The following RADIL variants were observed in gnomAD, a reference collection of about 807,000 sequenced individuals.
RADIL encodes ras-associating and dilute domain-containing protein.
RADIL carries 99 observed loss-of-function variants against 97.6 expected under a neutral mutation model. The observed-to-expected ratio is 1.01, with a 90% CI of 0.86 to 1.20. RADIL has a LOEUF of 1.20. Among genes scored for constraint, RADIL ranks in the 50% most tolerant of loss-of-function variants. The pLI, the probability that RADIL is intolerant of heterozygous loss-of-function variation, is 0.00. For synonymous variants in RADIL, 803 were observed against 691.8 expected, an observed-to-expected ratio of 1.16 and a Z score of -2.52; for missense variants, 1,765 against 1,498.9, an observed-to-expected ratio of 1.18 and a Z score of -2.93.
rs1433052385 is a variant in RADIL, at chr7:4,854,376, G to A, written c.536-17771C>T. On this transcript the variant is annotated intron_variant, in intron 2 of 14. Coordinates refer to ENST00000399583, the MANE Select transcript of RADIL (RefSeq NM_018059.5). This position sits in a 1 kb window ranked among gnomAD's most constrained non-coding sequence, Gnocchi z 5.1. ...TTGTTTCTGGGGAGGGTGGTGTTTG[G>A]TTTTTGTCATTGTTGATAAAGAGGT... Among the ~76,000 whole-genome samples, 2 of 152,174 alleles carry A rather than the reference G, an allele frequency of 1.3e-5. No individual in the cohort carries two copies. The highest frequency in any genetic ancestry group is 2.9e-5 in the Non-Finnish European group (2 of 68,030).
At chr7:4,875,721 C>T (rs1053331984) in intron 2 of RADIL, among the ~76,000 whole-genome samples, 1 of 152,196 alleles carries the variant, frequency 6.6e-6, no homozygotes, top group Non-Finnish European at 1.5e-5. Context: ...CCTTTGTTCC[C>T]GTGCAGAAAA....
rs1049102543 is a variant in RADIL at position 4,861,902 on chromosome 7, G to C, written c.535+15703C>G. Reference sequence around the variant, plus strand: ...CATGATCCGCTGAGGCGGAAGGGCAGGGCTTCTAGCTGCCCTGGTCCGACC... The same window carrying C: ...CATGATCCGCTGAGGCGGAAGGGCACGGCTTCTAGCTGCCCTGGTCCGACC... On this transcript the variant is annotated intron_variant, in intron 2 of 14. Transcript: ENST00000399583. The C allele has an allele frequency of 6.1e-5, 46 of 755,918 alleles. No homozygotes were observed. The East Asian group carries it at 1.4e-3, about 22-fold the overall frequency. 46.8% of individuals were successfully genotyped at this position (755,918 alleles called of 1,614,324 possible). A position where few individuals can be genotyped will look rare whatever the true frequency, so the allele number is the denominator to read the frequency against.
In RADIL at chr7:4,849,617, C is replaced by A. The variant is rs915672771; in HGVS notation, c.536-13012G>T. Among the ~76,000 whole-genome samples the A allele has an allele frequency of 6.6e-6, 1 of 152,080 alleles. No homozygotes were observed. Among genetic ancestry groups the A allele is most frequent in the African/African-American group, 2.4e-5 (1 of 41,378 alleles). On this transcript the variant is annotated intron_variant, in intron 2 of 14. Transcript: ENST00000399583. The surrounding 1 kb of genome is among the most constrained non-coding windows in gnomAD (Gnocchi z 5.4). ...TGTTATCTGCAACAAACCTGCAGAC[C>A]GAATGGCAGGTGGCTTGGAAGAATG...
intron 2 of RADIL, chr7:4,865,581 C>G (rs1462862175): frequency 2.5e-6 from 2 of 794,742 alleles, no homozygotes; most frequent in Non-Finnish European, 4.6e-6. Flanking sequence ...AAAGGGACCT[C>G]GGATGTCACA....
chr7:4,844,559 G>A (rs1329295249), intron 2 of RADIL, among the ~76,000 whole-genome samples: 4 of 152,194 alleles, frequency 2.6e-5, no homozygotes, highest in African/African-American at 9.7e-5. Flanking sequence ...ATTAACAAGT[G>A]AATTTAGCAA....
Position 4,816,234 on chromosome 7 carries a change from C to A in RADIL, c.1960G>T (p.Asp654Tyr). The stretch of plus-strand genomic sequence containing the variant: ...CCCTGCACGAGGCCCTCACCCCTGT[C>A]GAGGAGCTGGTTGAGAAGCAGTGTC... The part of the protein sequence containing the change: ...SGTLLLNQLL[D>Y]RGPSLSCFHW... Residue 654 changes from aspartate (D) to tyrosine (Y), a missense_variant, in exon 8 of 15, where the codon GAC (aspartate) becomes TAC (tyrosine). Physicochemically the swap from Asp to Tyr is radical, Grantham distance 160 (BLOSUM62 -3). Transcript: ENST00000399583. 1.2e-6 allele frequency: 2 copies of A among 1,609,670 alleles called. No individual in the cohort carries two copies. Among genetic ancestry groups the A allele is most frequent in the South Asian group, 2.2e-5 (2 of 90,896 alleles).
chr7:4,832,565 C>A (rs148241432), intron 4 of RADIL, among the ~76,000 whole-genome samples: 1,623 of 151,964 alleles, frequency 0.011, 34 homozygotes, highest in African/African-American at 0.038. Context: ...ATGGTGAAAC[C>A]CCATCTCTAC....
rs1292477254 is a variant in RADIL, at chr7:4,798,286, G to A, written c.*1092C>T. ...CTGCACCTCGCCGTAGCGCACACCA[G>A]GGGGCAGCGTGGAGCTGCACGAGGC... On this transcript the variant is annotated 3_prime_UTR_variant, in exon 15 of 15. Coordinates refer to ENST00000399583, the MANE Select transcript of RADIL (RefSeq NM_018059.5). 1 of 152,124 alleles carries A rather than the reference G, an allele frequency of 6.6e-6. No individual in the cohort carries two copies. The highest frequency in any genetic ancestry group is 2.4e-5 in the African/African-American group (1 of 41,436). 9.4% of individuals were successfully genotyped at this position (152,124 alleles called of 1,614,324 possible). A position where few individuals can be genotyped will look rare whatever the true frequency, so the allele number is the denominator to read the frequency against.
rs1031384369 is a variant in RADIL, at chr7:4,872,803, A to G, written c.535+4802T>C. 2.0e-5 allele frequency among the ~76,000 whole-genome samples: 3 copies of G among 152,172 alleles called. No homozygotes were observed. Among genetic ancestry groups the G allele is most frequent in the African/African-American group, 7.2e-5 (3 of 41,450 alleles). ...CTAAGTGATGAGTGAACCGGCAGGAAGCGCCTGGCTGACACCTTCCCCACC... is the reference window on the plus strand; with the variant it reads ...CTAAGTGATGAGTGAACCGGCAGGAGGCGCCTGGCTGACACCTTCCCCACC... On this transcript the variant is annotated intron_variant, in intron 2 of 14. Transcript: ENST00000399583. This position sits in a 1 kb window ranked among gnomAD's most constrained non-coding sequence, Gnocchi z 5.8.
intron 4 of RADIL, among the ~76,000 whole-genome samples, chr7:4,833,608 TAA>T (rs1204710872): frequency 6.6e-6 from 1 of 152,202 alleles, no homozygotes; most frequent in Non-Finnish European, 1.5e-5. Context: ...CTCAGACATT[TAA>T]AATGTGGATT....
At chr7:4,816,052 G>C (rs1449635358) in intron 8 of RADIL, among the ~76,000 whole-genome samples, 176 bp downstream of exon 8, 1 of 152,128 alleles carries the variant, frequency 6.6e-6, no homozygotes, top group Non-Finnish European at 1.5e-5. Flanking sequence ...GGGATGCGCT[G>C]TGCTGATCTG....
At chr7:4,832,665 G>A (rs1365703231) in intron 4 of RADIL, among the ~76,000 whole-genome samples, 1 of 151,542 alleles carries the variant, frequency 6.6e-6, no homozygotes, top group Non-Finnish European at 1.5e-5. Context: ...CTTGAACCTG[G>A]GAGGCAGAGG....
In RADIL at chr7:4,835,273, C is replaced by T. The variant is rs368519802; in HGVS notation, c.784-34G>A. The T allele has an allele frequency of 2.1e-5, 33 of 1,598,230 alleles. No homozygotes were observed. The highest frequency in any genetic ancestry group is 2.3e-5 in the Non-Finnish European group (27 of 1,177,972). On this transcript the variant is annotated intron_variant, in intron 3 of 14. Transcript: ENST00000399583. This position sits in a 1 kb window ranked among gnomAD's most constrained non-coding sequence, Gnocchi z 5.8. ...GAGACTCCGCTCAGGGCAGGCGTAACGCGAGCAGCACACGGGAAAAGCGTC... is the reference window on the plus strand; with the variant it reads ...GAGACTCCGCTCAGGGCAGGCGTAATGCGAGCAGCACACGGGAAAAGCGTC...
At chr7:4,852,257 G>A (rs149056898) in intron 2 of RADIL, among the ~76,000 whole-genome samples, 108 of 152,278 alleles carry the variant, frequency 7.1e-4, no homozygotes, top group Middle Eastern at 6.8e-3. Context: ...TCCATGCAGA[G>A]GGAAAGATGA....
rs531438087 is a variant in RADIL, at chr7:4,819,136, A to G, written c.1616-1785T>C. Among the ~76,000 whole-genome samples the G allele has an allele frequency of 4.0e-5, 6 of 150,570 alleles. No individual in the cohort carries two copies. Among genetic ancestry groups the G allele is most frequent in the African/African-American group, 1.5e-4 (6 of 40,726 alleles). On this transcript the variant is annotated intron_variant, in intron 6 of 14. Transcript: ENST00000399583. This position sits in a 1 kb window ranked among gnomAD's most constrained non-coding sequence, Gnocchi z 5.8. ...GCCCAGGCTGGAGTGCAATGACACAATCCCAGCTCACTGCAGCCTCAGCTT... is the reference window on the plus strand; with the variant it reads ...GCCCAGGCTGGAGTGCAATGACACAGTCCCAGCTCACTGCAGCCTCAGCTT...
At chr7:4,861,932 T>C (rs936656848) in intron 2 of RADIL, 1 of 547,100 alleles carries the variant, frequency 1.8e-6, no homozygotes. Context: ...CCGACCCCAC[T>C]CCCACTCCCG....
chr7:4,799,716 G>A lies in RADIL; in HGVS notation c.3036C>T (p.Ser1012=), dbSNP rs1007864491. ...ACAGGCGCCCGTCGGCCGCTGCGGG[G>A]CTGCCCGGGAGCAGGGTCTGGATGT... ...GLYIQTLLPG[S]PAAADGRLSL... is the part of the protein sequence containing the mutation. Residue 1012 remains serine (S), a synonymous_variant, in exon 14 of 15, where the codon AGC becomes AGT. Coordinates refer to ENST00000399583, the MANE Select transcript of RADIL (RefSeq NM_018059.5). The A allele has an allele frequency of 2.6e-6, 4 of 1,567,546 alleles. No homozygotes were observed. The highest frequency in any genetic ancestry group is 2.6e-6 in the Non-Finnish European group (3 of 1,159,110).
chr7:4,882,783 C>A (rs1461008012), intron 1 of RADIL, among the ~76,000 whole-genome samples: 1 of 152,200 alleles, frequency 6.6e-6, no homozygotes, highest in Non-Finnish European at 1.5e-5. Flanking sequence ...TGCCCCCCAG[C>A]AAAAGGGACT....
chr7:4,848,777 T>C (rs1024055506), intron 2 of RADIL, among the ~76,000 whole-genome samples: 5 of 152,184 alleles, frequency 3.3e-5, no homozygotes, highest in Admixed American at 2.6e-4. Context: ...CATTTTCCAC[T>C]GAAGGAAGTC....
Sources: gnomAD v4.1 joint callset for allele counts (sites outside exome capture counted in the v4.1 genomes callset) on GRCh38, gnomAD v4.1.1 for gene constraint, Gnocchi (gnomAD v3.1) non-coding constraint, MANE v1.5 for transcripts, NCBI Gene and HGNC (gene_info 2026-07-23, HGNC 2026-07-21) for gene names.